KHDC1: variants seen among roughly 807,000 people sequenced by gnomAD.
KHDC1 encodes KH domain containing 1.
A neutral mutation model predicts 24.7 loss-of-function variants in KHDC1; 21 were observed. The observed-to-expected ratio is 0.85, with a 90% CI of 0.60 to 1.23. The LOEUF is 1.23. Among genes scored for constraint, KHDC1 ranks in the 50% most tolerant of loss-of-function variants. The pLI, the probability that KHDC1 is intolerant of heterozygous loss-of-function variation, is 0.00. For missense variants in KHDC1, 274 were observed against 298.5 expected, an observed-to-expected ratio of 0.92 and a Z score of 0.61; for synonymous variants, 98 against 111.7, an observed-to-expected ratio of 0.88 and a Z score of 0.77.
At chr6:73,248,016 C>A (rs1766699834) in intron 2 of KHDC1, among the ~76,000 whole-genome samples, 1 of 152,146 alleles carries the variant, frequency 6.6e-6, no homozygotes, top group Non-Finnish European at 1.5e-5. Flanking sequence ...CCCACTCACA[C>A]CTTTCCTGTT....
intron 1 of KHDC1, among the ~76,000 whole-genome samples, chr6:73,293,508 A>T (rs902482551): frequency 2.6e-5 from 4 of 152,222 alleles, no homozygotes; most frequent in African/African-American, 9.6e-5. Context: ...GGCTAGGTGC[A>T]GTAGCTGACG....
chr6:73,296,032 C>T (rs111252288), intron 1 of KHDC1, among the ~76,000 whole-genome samples: 5 of 151,748 alleles, frequency 3.3e-5, no homozygotes, highest in African/African-American at 7.3e-5. Flanking sequence ...ATCCCAGCTA[C>T]TCGGGAGGCT....
intron 2 of KHDC1, chr6:73,269,527 A>C (rs1247851479): frequency 6.6e-6 from 1 of 152,102 alleles, no homozygotes; most frequent in African/African-American, 2.4e-5. Context: ...CACTGTGCCC[A>C]GCCTGAATCT....
intron 2 of KHDC1, chr6:73,284,514 A>C (rs1223947042): frequency 6.6e-6 from 1 of 151,064 alleles, no homozygotes; most frequent in Non-Finnish European, 1.5e-5. Flanking sequence ...ATCTATAAAA[A>C]CTCTGGCCTC....
At chr6:73,243,080 C>T (rs535624195) in intron 2 of KHDC1, among the ~76,000 whole-genome samples, 82 of 152,118 alleles carry the variant, frequency 5.4e-4, no homozygotes, top group African/African-American at 1.8e-3. Context: ...TAGGGTGTAG[C>T]GGCCAGTTTT....
At chr6:73,285,331 C>CT (rs1295596297) in intron 2 of KHDC1, among the ~76,000 whole-genome samples, 1 of 150,698 alleles carries the variant, frequency 6.6e-6, no homozygotes, top group African/African-American at 2.4e-5. Context: ...TATCATGACT[C>CT]TTCTTTTTTT....
intron 2 of KHDC1, among the ~76,000 whole-genome samples, chr6:73,250,204 C>T (rs572307927): frequency 2.0e-5 from 3 of 152,162 alleles, no homozygotes; most frequent in South Asian, 2.1e-4. Context: ...AAAAATAGAA[C>T]CCTGTTTAGT....
intron 1 of KHDC1, chr6:73,293,239 G>A (rs538331321): frequency 1.1e-5 from 7 of 662,232 alleles, no homozygotes; most frequent in Non-Finnish European, 2.0e-5. Flanking sequence ...CAGGTCAGAG[G>A]CTCCTAACTG....
chr6:73,292,865 G>C, intron 1 of KHDC1: 3 of 726,944 alleles, frequency 4.1e-6, no homozygotes, highest in Non-Finnish European at 2.5e-6. Flanking sequence ...CTTAGATGGG[G>C]CTAAGAAAAA....
rs547441667 is a variant in KHDC1, at chr6:73,301,807, T to A, written c.163+7745A>T. 1.2e-4 allele frequency among the ~76,000 whole-genome samples: 19 copies of A among 152,046 alleles called. No individual in the cohort carries two copies. The East Asian group carries it at 1.9e-3, about 16-fold the overall frequency. On this transcript the variant is annotated intron_variant, in intron 1 of 4. Transcript: ENST00000370384. Reference sequence around the variant, plus strand: ...CACCATGTCCAGCTAACTTTTTTTTTTATATAAGAGAGAGGGACCCCACTA... The same window carrying A: ...CACCATGTCCAGCTAACTTTTTTTTATATATAAGAGAGAGGGACCCCACTA...
At chr6:73,310,247 T>C (rs189373981), upstream of KHDC1, 186 of 158,914 alleles carry the variant, frequency 1.2e-3, 3 homozygotes, top group Admixed American at 3.3e-3. Flanking sequence ...CCGAAGGTGC[T>C]GTCCCGCCCA....
At chr6:73,275,578 T>A (rs1009060123) in intron 2 of KHDC1, 1 of 167,156 alleles carries the variant, frequency 6.0e-6, no homozygotes, top group African/African-American at 2.4e-5. Context: ...ATTTGGTAAG[T>A]GTCCTGGTGT....
chr6:73,242,529 A>G (rs1300247596), exon 3 of KHDC1: 1 of 1,613,924 alleles, frequency 6.2e-7, no homozygotes, highest in African/African-American at 1.3e-5. Flanking sequence ...CTCTGCTCCG[A>G]CCTGATACAG....
chr6:73,294,040 T>C lies in KHDC1; in HGVS notation c.164-2000A>G, dbSNP rs112599936. On this transcript the variant is annotated intron_variant, in intron 1 of 4. Transcript: ENST00000370384. ...AAAACAAAAAAAAACCACCAGCCAT[T>C]TGGGAAGCCAAGGCAGGATTGCTTG... is the stretch of plus-strand genomic sequence containing the variant. 2.1e-3 allele frequency among the ~76,000 whole-genome samples: 322 copies of C among 150,490 alleles called. 2 individuals carry two copies. Among genetic ancestry groups the C allele is most frequent in the Middle Eastern group, 7.1e-3 (2 of 282 alleles).
chr6:73,309,410 T>C, intron 1 of KHDC1: 1 of 793,668 alleles, frequency 1.3e-6, no homozygotes. Flanking sequence ...GGGTTTTTTT[T>C]AACATGGTGA....
intron 2 of KHDC1, among the ~76,000 whole-genome samples, chr6:73,271,499 G>A (rs986127288): frequency 6.6e-6 from 1 of 151,600 alleles, no homozygotes; most frequent in Non-Finnish European, 1.5e-5. Context: ...AATCCACCGT[G>A]CCTGGTGTAA....
At chr6:73,271,733 A>T (rs1318998846) in intron 2 of KHDC1, among the ~76,000 whole-genome samples, 5 of 151,344 alleles carry the variant, frequency 3.3e-5, no homozygotes, top group African/African-American at 4.8e-5. Flanking sequence ...TTCTCTACTA[A>T]AACTACAAGA....
chr6:73,293,764 G>A (rs1416357092), intron 1 of KHDC1, among the ~76,000 whole-genome samples: 1 of 141,000 alleles, frequency 7.1e-6, no homozygotes, highest in East Asian at 2.1e-4. Flanking sequence ...CAGCACTTTG[G>A]GAGGCCAAGG....
chr6:73,280,003 G>A (rs772051583), intron 2 of KHDC1, among the ~76,000 whole-genome samples: 11 of 151,866 alleles, frequency 7.2e-5, no homozygotes, highest in Non-Finnish European at 1.0e-4. Context: ...CTTTTTCTGC[G>A]TTCCTTTGGC....
Sources: gnomAD v4.1 joint callset for allele counts (sites outside exome capture counted in the v4.1 genomes callset) on GRCh38, gnomAD v4.1.1 for gene constraint, MANE v1.5 for transcripts, NCBI Gene and HGNC (gene_info 2026-07-23, HGNC 2026-07-21) for gene names.